The following GALNT17 variants were observed in gnomAD, a reference collection of about 807,000 sequenced individuals.
GALNT17 encodes UDP-GalNAc:polypeptide N-acetylgalactosaminyltransferase-like 3.
In GALNT17, 29 loss-of-function variants were observed where a neutral mutation model predicts 63.7. That is an observed-to-expected ratio of 0.46 (90% CI 0.34 to 0.62). The LOEUF (loss-of-function observed/expected upper bound fraction) is 0.62. Among genes scored for constraint, GALNT17 ranks in the 20% least tolerant of loss-of-function variants. The probability of loss-of-function intolerance (pLI) is 0.01; values close to 1 mark genes in which losing one functional copy is unlikely to be tolerated. For missense variants in GALNT17, 603 were observed against 799.6 expected (o/e 0.75, Z 2.97); for synonymous variants, 305 against 318.3 (o/e 0.96, Z 0.45).
At chr7:71,458,491 T>C (rs1157739601) in intron 5 of GALNT17, among the ~76,000 whole-genome samples, 1 of 152,180 alleles carries the variant, frequency 6.6e-6, no homozygotes, top group African/African-American at 2.4e-5. Flanking sequence ...CTCAGATACA[T>C]TTAGCTCAGT....
intron 9 of GALNT17, among the ~76,000 whole-genome samples, chr7:71,693,309 C>CACACACAT (rs1554325721): frequency 4.0e-5 from 5 of 124,200 alleles, no homozygotes; most frequent in African/African-American, 1.5e-4. Flanking sequence ...CACACACACA[C>CACACACAT]ATATATATAT....
rs1787702586 is a variant in GALNT17, at chr7:71,132,645, C to A, written c.-158C>A. On this transcript the variant is annotated 5_prime_UTR_variant, in exon 1 of 11. Coordinates refer to ENST00000333538, the MANE Select transcript of GALNT17 (RefSeq NM_022479.3). ...CCCACCACCAATCCGACCTCCCAGC[C>A]GTCTCCGCCGCCCGAGCATCCTTGA... The A allele has an allele frequency of 1.6e-6, 1 of 614,096 alleles. No individual in the cohort carries two copies. Among genetic ancestry groups the A allele is most frequent in the Non-Finnish European group, 2.8e-6 (1 of 359,238 alleles). The allele number at this position is 614,096 out of a possible 1,614,324, so 38.0% of individuals were successfully genotyped here.
At chr7:71,318,687 C>T (rs1791546912) in intron 1 of GALNT17, among the ~76,000 whole-genome samples, 1 of 152,146 alleles carries the variant, frequency 6.6e-6, no homozygotes, top group African/African-American at 2.4e-5. Context: ...CTCAGCCTCC[C>T]AAAGTGCTGG....
intron 5 of GALNT17, among the ~76,000 whole-genome samples, chr7:71,471,631 C>CT (rs1259884788): frequency 5.3e-5 from 8 of 152,142 alleles, no homozygotes; most frequent in South Asian, 4.2e-4. Flanking sequence ...TTCTCTTCTC[C>CT]TTTTTTTATG....
At chr7:71,440,428 G>A (rs1787045023) in intron 5 of GALNT17, among the ~76,000 whole-genome samples, 1 of 146,522 alleles carries the variant, frequency 6.8e-6, no homozygotes. Flanking sequence ...AGGCTAGAGT[G>A]CAATGGCACG....
intron 1 of GALNT17, among the ~76,000 whole-genome samples, chr7:71,143,521 T>G (rs929304697): frequency 2.6e-5 from 4 of 151,344 alleles, no homozygotes; most frequent in Non-Finnish European, 5.9e-5. Context: ...CAGAAGAGTG[T>G]GTGGGGACAT....
At chr7:71,166,040 A>C (rs1205376444) in intron 1 of GALNT17, among the ~76,000 whole-genome samples, 1 of 151,682 alleles carries the variant, frequency 6.6e-6, no homozygotes, top group Admixed American at 6.6e-5. Flanking sequence ...ATAAGTATTC[A>C]GAAAGGTGCT....
At chr7:71,494,247 TA>T (rs1338176168) in intron 5 of GALNT17, among the ~76,000 whole-genome samples, 2 of 152,236 alleles carry the variant, frequency 1.3e-5, no homozygotes, top group Admixed American at 1.3e-4. Context: ...AAGAACTGCA[TA>T]GGGGAAATCA....
chr7:71,476,489 A>C (rs1787724858), intron 5 of GALNT17, among the ~76,000 whole-genome samples: 1 of 151,926 alleles, frequency 6.6e-6, no homozygotes, highest in South Asian at 2.1e-4. Context: ...CCAAGTGAAA[A>C]TATTTTGTTT....
chr7:71,639,778 T>G (rs1790577950), intron 6 of GALNT17, among the ~76,000 whole-genome samples: 1 of 152,240 alleles, frequency 6.6e-6, no homozygotes. Flanking sequence ...AAAGCATTGT[T>G]CTTGGTTGCA....
intron 5 of GALNT17, among the ~76,000 whole-genome samples, chr7:71,492,506 T>C (rs1000583512): frequency 5.9e-5 from 9 of 152,104 alleles, no homozygotes; most frequent in African/African-American, 2.2e-4. Flanking sequence ...TGGCTGTCAC[T>C]CTCATGGTCT....
chr7:71,248,915 T>C (rs925535838), intron 1 of GALNT17, among the ~76,000 whole-genome samples: 1 of 152,204 alleles, frequency 6.6e-6, no homozygotes, highest in African/African-American at 2.4e-5. Flanking sequence ...CACCTCTTTG[T>C]ACCATCTTCT....
chr7:71,677,023 A>G (rs968310485), intron 8 of GALNT17, among the ~76,000 whole-genome samples, 188 bp from the exon 9 acceptor site: 36 of 152,162 alleles, frequency 2.4e-4, no homozygotes, highest in Non-Finnish European at 4.1e-4. Flanking sequence ...CATCCATGCC[A>G]TCCACCTTAA....
At chr7:71,362,250 GC>G (rs1319129657) in intron 2 of GALNT17, among the ~76,000 whole-genome samples, 52 of 152,116 alleles carry the variant, frequency 3.4e-4, no homozygotes, top group Admixed American at 3.4e-3. Context: ...GAGCCACCGC[GC>G]CCGGCTTTGT....
intron 1 of GALNT17, among the ~76,000 whole-genome samples, chr7:71,207,961 G>GT (rs1789305276): frequency 6.6e-6 from 1 of 151,148 alleles, no homozygotes; most frequent in South Asian, 2.1e-4. Context: ...TTGAGACAGG[G>GT]TCTTGCTCTG....
At chr7:71,600,505 G>T (rs1789951465) in intron 6 of GALNT17, among the ~76,000 whole-genome samples, 1 of 152,046 alleles carries the variant, frequency 6.6e-6, no homozygotes, top group Non-Finnish European at 1.5e-5. Flanking sequence ...GTGCCCAGTG[G>T]TCTGAGTGCT....
At chr7:71,608,177 T>C (rs1328089487) in intron 6 of GALNT17, among the ~76,000 whole-genome samples, 4 of 152,184 alleles carry the variant, frequency 2.6e-5, no homozygotes, top group Admixed American at 1.3e-4. Flanking sequence ...TGTGAGTACA[T>C]AAATCATATA....
At chr7:71,482,150 ATTTT>A (rs149578252) in intron 5 of GALNT17, among the ~76,000 whole-genome samples, 15 of 128,478 alleles carry the variant, frequency 1.2e-4, no homozygotes, top group Admixed American at 2.4e-4. Flanking sequence ...ACAAGGATAC[ATTTT>A]TTTTTTTTTT....
intron 1 of GALNT17, among the ~76,000 whole-genome samples, chr7:71,327,999 AG>A (rs1377785678): frequency 1.3e-5 from 2 of 152,272 alleles, no homozygotes; most frequent in Admixed American, 6.5e-5. Context: ...ACCCAAAGCC[AG>A]GGGGGCAGGT....
Sources: gnomAD v4.1 joint callset for allele counts (sites outside exome capture counted in the v4.1 genomes callset) on GRCh38, gnomAD v4.1.1 for gene constraint, MANE v1.5 for transcripts, NCBI Gene and HGNC (gene_info 2026-07-23, HGNC 2026-07-21) for gene names.